Variants in NEDD4L observed in about 807,000 individuals in gnomAD.
NEDD4L encodes NEDD4 like E3 ubiquitin protein ligase, also known as E3 ubiquitin-protein ligase NEDD4-like.
A neutral mutation model predicts 148.9 loss-of-function variants in NEDD4L; 54 were observed. That is an observed-to-expected ratio of 0.36 (90% confidence interval 0.29 to 0.45). NEDD4L has a LOEUF of 0.45. NEDD4L is among the 20% of genes least tolerant of loss of function. The pLI, the probability that NEDD4L is intolerant of heterozygous loss-of-function variation, is 1.00. For missense variants in NEDD4L, 856 were observed against 1,233.8 expected (o/e 0.69, Z 4.59); for synonymous variants, 433 against 440.7 (o/e 0.98, Z 0.22).
At chr18:58,113,947 G>A (rs952584905) in intron 1 of NEDD4L, among the ~76,000 whole-genome samples, 3 of 152,158 alleles carry the variant, frequency 2.0e-5, no homozygotes, top group Non-Finnish European at 2.9e-5. Context: ...GGGACATGGG[G>A]CCTCAGTGCC....
intron 1 of NEDD4L, among the ~76,000 whole-genome samples, chr18:58,165,047 G>A (rs528614875): frequency 2.6e-5 from 4 of 152,228 alleles, no homozygotes; most frequent in South Asian, 2.1e-4. Context: ...CCTAAATGTC[G>A]TAGCCCTTAT....
At chr18:58,234,319 C>T (rs1007194633) in intron 2 of NEDD4L, among the ~76,000 whole-genome samples, 1 of 133,810 alleles carries the variant, frequency 7.5e-6, no homozygotes, top group Non-Finnish European at 1.6e-5. Flanking sequence ...CCCCTTCCTC[C>T]CTCCTTCTCT....
chr18:58,199,465 G>A (rs1042450252), intron 2 of NEDD4L, among the ~76,000 whole-genome samples: 2 of 152,090 alleles, frequency 1.3e-5, no homozygotes, highest in Non-Finnish European at 2.9e-5. Flanking sequence ...CTAAAGCGTC[G>A]GTACTGGTTG....
intron 2 of NEDD4L, among the ~76,000 whole-genome samples, chr18:58,199,712 A>T (rs1185265790): frequency 6.6e-6 from 1 of 152,214 alleles, no homozygotes; most frequent in Non-Finnish European, 1.5e-5. Context: ...TTAGCTAAGG[A>T]TGCCTTGAGA....
intron 1 of NEDD4L, among the ~76,000 whole-genome samples, chr18:58,082,348 C>T (rs561196041): frequency 1.6e-3 from 236 of 148,606 alleles, no homozygotes; most frequent in African/African-American, 5.7e-3. Context: ...CCTCGTGATC[C>T]ACCCGCCTCT....
At chr18:58,047,303 AAGT>A (rs757448955) in intron 1 of NEDD4L, 39 of 984,530 alleles carry the variant, frequency 4.0e-5, no homozygotes, top group Non-Finnish European at 4.6e-5. Flanking sequence ...CATTTCTTAA[AAGT>A]AGATTCGTAT....
At chr18:58,241,805 C>A (rs77062106) in intron 2 of NEDD4L, among the ~76,000 whole-genome samples, 1,961 of 152,084 alleles carry the variant, frequency 0.013, 66 homozygotes, top group African/African-American at 0.044. Flanking sequence ...AATCCTAGTA[C>A]CAGTTTACTA....
chr18:58,295,293 CA>C (rs1656779222), intron 5 of NEDD4L, among the ~76,000 whole-genome samples: 1 of 152,230 alleles, frequency 6.6e-6, no homozygotes, highest in African/African-American at 2.4e-5. Context: ...TAAACCCTGG[CA>C]ACCACTCATC....
chr18:58,281,055 G>A (rs760032938), intron 5 of NEDD4L, among the ~76,000 whole-genome samples: 16 of 152,024 alleles, frequency 1.1e-4, no homozygotes, highest in Non-Finnish European at 2.1e-4. Flanking sequence ...ATGGCTCACT[G>A]CAGCCTTGAA....
At chr18:58,090,114 C>T (rs1005095453) in intron 1 of NEDD4L, among the ~76,000 whole-genome samples, 2 of 151,908 alleles carry the variant, frequency 1.3e-5, no homozygotes, top group Non-Finnish European at 2.9e-5. Context: ...CTGGGATTAC[C>T]GGCATAAGCC....
At chr18:58,341,652 C>T in intron 14 of NEDD4L, 26 bp from the exon 15 acceptor site, 4 of 1,604,430 alleles carry the variant, frequency 2.5e-6, no homozygotes, top group Non-Finnish European at 3.4e-6. Flanking sequence ...TCCTATGAAG[C>T]TAACTTGTTT....
intron 5 of NEDD4L, among the ~76,000 whole-genome samples, chr18:58,289,872 C>T (rs2054467750): frequency 6.6e-6 from 1 of 152,200 alleles, no homozygotes; most frequent in African/African-American, 2.4e-5. Context: ...CTTAATTGTG[C>T]TCAAGGATCA....
chr18:58,261,026 T>C (rs1219310867), intron 5 of NEDD4L, among the ~76,000 whole-genome samples: 2 of 151,598 alleles, frequency 1.3e-5, no homozygotes, highest in Admixed American at 6.6e-5. Flanking sequence ...TATACAAGTC[T>C]TTCCCCTAGC....
rs567305528 is a variant in NEDD4L, at chr18:58,214,520, T to G, written c.123-30907T>G. Reference sequence around the variant, plus strand: ...GCCTATCTGTTACTGTTAGGGTTACTGCAAAGATTAAAATAGGTGGTGCTC... The same window carrying G: ...GCCTATCTGTTACTGTTAGGGTTACGGCAAAGATTAAAATAGGTGGTGCTC... On this transcript the variant is annotated intron_variant, in intron 2 of 30. Coordinates refer to ENST00000400345, the MANE Select transcript of NEDD4L (RefSeq NM_001144967.3). Among the ~76,000 whole-genome samples the G allele has an allele frequency of 2.6e-5, 4 of 152,264 alleles. No individual in the cohort carries two copies. The South Asian group carries it at 8.3e-4, about 32-fold the overall frequency.
intron 1 of NEDD4L, among the ~76,000 whole-genome samples, chr18:58,153,785 T>C (rs1263187405): frequency 2.0e-5 from 3 of 151,802 alleles, no homozygotes; most frequent in Admixed American, 6.6e-5. Context: ...TAGCTGGGAG[T>C]ACAGGCGCCC....
chr18:58,243,222 A>G (rs534860131), intron 2 of NEDD4L, among the ~76,000 whole-genome samples: 1 of 152,328 alleles, frequency 6.6e-6, no homozygotes, highest in South Asian at 2.1e-4. Flanking sequence ...AACAGAGTTT[A>G]TGGTATTCTT....
At chr18:58,089,664 C>T (rs1298270601) in intron 1 of NEDD4L, among the ~76,000 whole-genome samples, 1 of 152,088 alleles carries the variant, frequency 6.6e-6, no homozygotes, top group African/African-American at 2.4e-5. Context: ...AGCAAGGGTT[C>T]ATCAGCTAGG....
rs748429457 is a variant in NEDD4L at position 58,359,009 on chromosome 18, A to G, written c.1767+1757A>G. Among the ~76,000 whole-genome samples the G allele has an allele frequency of 7.1e-4, 108 of 152,198 alleles. 1 individual carries two copies. Among genetic ancestry groups the G allele is most frequent in the Non-Finnish European group, 1.0e-3 (70 of 68,004 alleles). On this transcript the variant is annotated intron_variant, in intron 19 of 30. Transcript: ENST00000400345. ...TTTGTAAATGTTCTTTTTCTTTTTA[A>G]AAAGAATGTGTATTGTGTCTTTGGT...
At chr18:58,086,148 C>T (rs1019250802) in intron 1 of NEDD4L, among the ~76,000 whole-genome samples, 2 of 152,200 alleles carry the variant, frequency 1.3e-5, no homozygotes, top group African/African-American at 4.8e-5. Flanking sequence ...CCATTGAGCT[C>T]TGTAGAACAT....
Sources: gnomAD v4.1 joint callset for allele counts (sites outside exome capture counted in the v4.1 genomes callset) on GRCh38, gnomAD v4.1.1 for gene constraint, MANE v1.5 for transcripts, NCBI Gene and HGNC (gene_info 2026-07-23, HGNC 2026-07-21) for gene names.